Variants in FBN3 observed in about 807,000 individuals in gnomAD.
FBN3 encodes fibrillin-3.
A neutral mutation model predicts 330.1 loss-of-function variants in FBN3; 234 were observed. The observed-to-expected ratio is 0.71, with a 90% confidence interval of 0.64 to 0.79. The LOEUF is 0.79. FBN3 is among the 30% of genes least tolerant of loss of function. The pLI, the probability that FBN3 is intolerant of heterozygous loss-of-function variation, is 0.00. For missense variants in FBN3, 3,606 were observed against 3,886.9 expected (o/e 0.93, Z 1.92); for synonymous variants, 1,458 against 1,517.3 (o/e 0.96, Z 0.91).
chr19:8,143,844 G>T (rs2083473633), intron 6 of FBN3, among the ~76,000 whole-genome samples: 1 of 149,956 alleles, frequency 6.7e-6, no homozygotes. Flanking sequence ...GAGACAGAGG[G>T]TCTGGTTCTG....
chr19:8,082,392 C>CT (rs2081818220), intron 57 of FBN3, among the ~76,000 whole-genome samples: 1 of 117,944 alleles, frequency 8.5e-6, no homozygotes, highest in Non-Finnish European at 1.6e-5. Flanking sequence ...TCTTTCTTCT[C>CT]TTTTTTCTCT....
Position 8,123,817 on chromosome 19 carries a change from G to C in FBN3, c.2923C>G (p.Arg975Gly). ...AATGGTCGGCCAGACAGGAAGTCCCGGCTGGCGAAGCCCAGCCCCCGCGGG... is the reference window on the plus strand; with the variant it reads ...AATGGTCGGCCAGACAGGAAGTCCCCGCTGGCGAAGCCCAGCCCCCGCGGG... Reference protein sequence around the residue: ...LCPRGLGFASRDFLSGRPFYK... With the variant: ...LCPRGLGFASGDFLSGRPFYK... Residue 975 changes from arginine to glycine, a missense_variant, in exon 23 of 64, where the codon CGG (arginine) becomes GGG (glycine). By Grantham distance (125) the Arg-to-Gly change is moderately radical. Transcript: ENST00000600128. 1.9e-6 allele frequency: 3 copies of C among 1,613,026 alleles called. No individual in the cohort carries two copies. Among genetic ancestry groups the C allele is most frequent in the Non-Finnish European group, 2.5e-6 (3 of 1,179,890 alleles).
At chr19:8,101,488 G>A (rs906220311) in intron 40 of FBN3, among the ~76,000 whole-genome samples, 1 of 152,138 alleles carries the variant, frequency 6.6e-6, no homozygotes, top group East Asian at 1.9e-4. Flanking sequence ...CCAGGCCTTG[G>A]CTCCTGCTGT....
intron 24 of FBN3, among the ~76,000 whole-genome samples, chr19:8,122,972 C>CT (rs2082889514): frequency 6.6e-6 from 1 of 151,912 alleles, no homozygotes; most frequent in Non-Finnish European, 1.5e-5. Context: ...CCAGCCCCTT[C>CT]TTTTATAGTC....
At position 8,088,322 on chromosome 19, in the gene FBN3, G is replaced by A. The variant is rs545670454; in HGVS notation, c.6377-143C>T. On this transcript the variant is annotated intron_variant, in intron 51 of 63. Transcript: ENST00000600128. Reference sequence around the variant, plus strand: ...TAGTCTGGCTATGGGGCAGGCAAGCGGTATGTGTTTAGTGAATGAATGAGT... The same window carrying A: ...TAGTCTGGCTATGGGGCAGGCAAGCAGTATGTGTTTAGTGAATGAATGAGT... 4.9e-5 allele frequency: 49 copies of A among 1,009,996 alleles called. No homozygotes were observed. In the African/African-American group the frequency reaches 5.6e-4, roughly 12 times the overall value. 62.6% of individuals were successfully genotyped at this position (1,009,996 alleles called of 1,614,324 possible). A position where few individuals can be genotyped will look rare whatever the true frequency, so the allele number is the denominator to read the frequency against.
intron 6 of FBN3, among the ~76,000 whole-genome samples, chr19:8,142,858 A>G (rs1305337543): frequency 2.5e-5 from 1 of 40,680 alleles, no homozygotes; most frequent in African/African-American, 1.0e-4. Flanking sequence ...CAGCTCCCCC[A>G]CTCCCCCTCC....
At chr19:8,119,265 C>G (rs2082782670) in intron 25 of FBN3, among the ~76,000 whole-genome samples, 1 of 152,164 alleles carries the variant, frequency 6.6e-6, no homozygotes, top group East Asian at 1.9e-4. Context: ...ACGAAGCTGA[C>G]ACTCTTGGGG....
At chr19:8,120,969 T>C (rs987282420) in intron 25 of FBN3, among the ~76,000 whole-genome samples, 1 of 152,130 alleles carries the variant, frequency 6.6e-6, no homozygotes, top group African/African-American at 2.4e-5. Context: ...ACCGGCAGTA[T>C]TTCCCAGGCT....
At position 8,091,534 on chromosome 19, in the gene FBN3, T is replaced by C; in HGVS notation, c.5962A>G (p.Ser1988Gly). The C allele has an allele frequency of 6.2e-7, 1 of 1,614,208 alleles. No homozygotes were observed. The highest frequency in any genetic ancestry group is 8.5e-7 in the Non-Finnish European group (1 of 1,180,034). ...NLCLFGTCTN[S>G]PGSFQCLCPP... ...CAGAGGCACTGGAAGCTCCCAGGGCTGTTGGTACAGGTGCCAAAGAGGCAG... is the reference window on the plus strand; with the variant it reads ...CAGAGGCACTGGAAGCTCCCAGGGCCGTTGGTACAGGTGCCAAAGAGGCAG... Residue 1988 changes from serine to glycine, a missense_variant, in exon 48 of 64, where the codon AGC becomes GGC. Transcript: ENST00000600128.
intron 62 of FBN3, among the ~76,000 whole-genome samples, chr19:8,072,724 A>ACACG (rs2081544680): frequency 6.6e-6 from 1 of 151,490 alleles, no homozygotes; most frequent in African/African-American, 2.4e-5. Flanking sequence ...GCGCGTGCAC[A>ACACG]CACACACACA....
chr19:8,127,049 TTTTTTTTTTG>T (rs1191166553), intron 18 of FBN3, among the ~76,000 whole-genome samples: 1 of 1,966 alleles, frequency 5.1e-4, no homozygotes, highest in Non-Finnish European at 4.6e-3. Flanking sequence ...TGCCAAACTG[TTTTTTTTTTG>T]TTTTTTTTTT....
intron 6 of FBN3, among the ~76,000 whole-genome samples, chr19:8,142,353 A>G (rs1270885504): frequency 6.6e-6 from 1 of 151,854 alleles, no homozygotes; most frequent in African/African-American, 2.4e-5. Context: ...TTCCTGACCA[A>G]CTTCCAAGAG....
At chr19:8,134,033 T>A (rs976915062) in intron 13 of FBN3, among the ~76,000 whole-genome samples, 2 of 149,138 alleles carry the variant, frequency 1.3e-5, no homozygotes, top group African/African-American at 2.5e-5. Flanking sequence ...GAGACCATCC[T>A]GGCTAACATG....
Position 8,144,909 on chromosome 19 carries a change from A to C in FBN3, c.509T>G (p.Val170Gly). Residue 170 changes from valine (V) to glycine (G), a missense_variant, in exon 6 of 64, where the codon GTG (valine) becomes GGG (glycine). Physicochemically the swap from Val to Gly is moderately radical, Grantham distance 109. Coordinates refer to ENST00000600128, the MANE Select transcript of FBN3 (RefSeq NM_032447.5). ...RCIGPNRCAC[V>G]YGFMGPQCER... ...ACATTGAGGTCCCATGAAGCCATAC[A>C]CACAGGCGCAGCGGTTGGGCCCAAT... 6.2e-7 allele frequency: 1 copy of C among 1,612,204 alleles called. No individual in the cohort carries two copies. Among genetic ancestry groups the C allele is most frequent in the Non-Finnish European group, 8.5e-7 (1 of 1,179,610 alleles).
Position 8,111,664 on chromosome 19 carries a change from AT to A in FBN3, c.4067del (p.Asp1356ValfsTer98). 1 of 1,423,988 alleles carries A rather than the reference AT, an allele frequency of 7.0e-7. No individual in the cohort carries two copies. Among genetic ancestry groups the A allele is most frequent in the Non-Finnish European group, 9.5e-7 (1 of 1,054,114 alleles). The allele number at this position is 1,423,988 out of a possible 1,614,324, so 88.2% of individuals were successfully genotyped here. On this transcript the variant is annotated frameshift_variant, in exon 32 of 64. Coordinates refer to ENST00000600128, the MANE Select transcript of FBN3 (RefSeq NM_032447.5). LOFTEE classifies it high-confidence loss of function. ...RCTCRQGFAG[D>X]GFFCEDRDEC... The stretch of plus-strand genomic sequence containing the variant: ...TAATCTCACCTTCGCAGAAGAAGCC[AT>A]CCCCGGCAAAGCCCTGGCGGCAGGT...
rs994550906 is a variant in FBN3, at chr19:8,149,239, G to A, written c.-18+210C>T. 1.3e-4 allele frequency among the ~76,000 whole-genome samples: 19 copies of A among 151,414 alleles called. No individual in the cohort carries two copies. Among genetic ancestry groups the A allele is most frequent in the African/African-American group, 4.1e-4 (17 of 41,334 alleles). On this transcript the variant is annotated intron_variant, in intron 1 of 63. Transcript: ENST00000600128. This position sits in a 1 kb window ranked among gnomAD's most constrained non-coding sequence, Gnocchi z 5.5. Reference sequence around the variant, plus strand: ...GGGTCAGGGGCCCCGCGCCCCGGCCGAGCCCCTCCCGCCGGGTCCCCGCGC... The same window carrying A: ...GGGTCAGGGGCCCCGCGCCCCGGCCAAGCCCCTCCCGCCGGGTCCCCGCGC...
chr19:8,141,602 G>A, intron 8 of FBN3, 115 bp downstream of exon 8: 1 of 1,210,368 alleles, frequency 8.3e-7, no homozygotes, highest in East Asian at 2.4e-5. Flanking sequence ...CAGGGACAAG[G>A]TCAGAACTGG....
rs114043749 is a variant in FBN3 at position 8,109,139 on chromosome 19, C to T, written c.4618+88G>A. ...TGGTTTTCCTGTCGCCTAAGCCCCC[C>T]ACCACCGCCATTAGCAGAGGTGACC... On this transcript the variant is annotated intron_variant, in intron 36 of 63. Transcript: ENST00000600128. This position sits in a 1 kb window ranked among gnomAD's most constrained non-coding sequence, Gnocchi z 5.2. The T allele has an allele frequency of 1.5e-3, 2,016 of 1,335,234 alleles. 27 individuals carry two copies. The African/African-American group carries it at 0.022, about 14-fold the overall frequency. The allele number at this position is 1,335,234 out of a possible 1,614,324, so 82.7% of individuals were successfully genotyped here. A position where few individuals can be genotyped will look rare whatever the true frequency, so the allele number is the denominator to read the frequency against.
chr19:8,140,267 C>T (rs2083381462), intron 8 of FBN3, among the ~76,000 whole-genome samples: 1 of 152,084 alleles, frequency 6.6e-6, no homozygotes, highest in Admixed American at 6.6e-5. Context: ...AGTTTGAGAC[C>T]AGCCTGGCCA....
Sources: gnomAD v4.1 joint callset for allele counts (sites outside exome capture counted in the v4.1 genomes callset) on GRCh38, gnomAD v4.1.1 for gene constraint, Gnocchi (gnomAD v3.1) non-coding constraint, MANE v1.5 for transcripts, NCBI Gene and HGNC (gene_info 2026-07-23, HGNC 2026-07-21) for gene names.